Variants in RPGR observed in about 807,000 individuals in gnomAD.
The protein encoded by RPGR is retinitis pigmentosa GTPase regulator, also known as X-linked retinitis pigmentosa GTPase regulator.
In RPGR, 10 loss-of-function variants were observed where a neutral mutation model predicts 56.3. That is an observed-to-expected ratio of 0.18 (90% confidence interval 0.11 to 0.30). The LOEUF (loss-of-function observed/expected upper bound fraction) is 0.30, where lower values mean the gene tolerates loss of function less well. RPGR is among the 10% of genes least tolerant of loss of function. RPGR has a pLI of 1.00. For synonymous variants in RPGR, 197 were observed against 212.9 expected (o/e 0.93, Z 0.65); for missense variants, 538 against 590.9 (o/e 0.91, Z 0.93).
chrX:38,315,290 C>A (rs978096267), intron 6 of RPGR, among the ~76,000 whole-genome samples: 4 of 111,573 alleles, frequency 3.6e-5, no homozygotes, highest in African/African-American at 1.3e-4. Flanking sequence ...CGGGACTATA[C>A]TACTGTACTC....
intron 14 of RPGR, 162 bp from the exon 15 acceptor site, chrX:38,287,407 G>A: frequency 1.2e-6 from 1 of 821,189 alleles, no homozygotes; most frequent in Non-Finnish European, 1.8e-6. Flanking sequence ...AAATTCTATT[G>A]CCTCAGGCTG....
rs760295822 is a variant in RPGR, at chrX:38,270,134, G to GA, written c.2242-303dup. Among the ~76,000 whole-genome samples, 104 of 111,163 alleles carry GA rather than the reference G, an allele frequency of 9.4e-4. 1 individual carries two copies. Among genetic ancestry groups the GA allele is most frequent in the Non-Finnish European group, 9.8e-4 (52 of 52,999 alleles). ...TGTTTCACTTTGTTAAGTTGTAAGA[G>GA]AAAAAATATATAAAAACCTATTTAA... On this transcript the variant is annotated intron_variant, in intron 18 of 18. Transcript: ENST00000642395.
chrX:38,324,450 A>T (rs2068005813), intron 1 of RPGR, among the ~76,000 whole-genome samples: 1 of 110,866 alleles, frequency 9.0e-6, no homozygotes, highest in Non-Finnish European at 1.9e-5. Flanking sequence ...GAATACCCAT[A>T]AAACCGGAGA....
intron 6 of RPGR, among the ~76,000 whole-genome samples, chrX:38,312,432 A>G (rs1399866414): frequency 1.8e-5 from 2 of 111,260 alleles, no homozygotes; most frequent in African/African-American, 3.3e-5. Flanking sequence ...TACCCACACA[A>G]TATCAGATGC....
chrX:38,273,651 G>A (rs913838142), intron 17 of RPGR: 11 of 375,968 alleles, frequency 2.9e-5, no homozygotes, highest in Non-Finnish European at 5.1e-5. Flanking sequence ...GAGTTAAAGT[G>A]AAAAGCCCAG....
rs1212604262 is a variant in RPGR at position 38,273,380 on chromosome X, A to C, written c.2241+6T>G. The C allele has an allele frequency of 1.7e-6, 2 of 1,177,836 alleles. No homozygotes were observed. Among genetic ancestry groups the C allele is most frequent in the Non-Finnish European group, 2.3e-6 (2 of 868,846 alleles). On this transcript the variant is annotated splice_donor_region_variant and intron_variant, in intron 18 of 18. Coordinates refer to ENST00000642395, the MANE Select transcript of RPGR (RefSeq NM_000328.3). ...AGGATCAAAAAAGACAATTCATTTC[A>C]CTTACCTTCTTTGTTTTTTTCATGT...
chrX:38,300,620 C>T lies in RPGR; in HGVS notation c.1059+627G>A, dbSNP rs149559707. Among the ~76,000 whole-genome samples, 827 of 111,522 alleles carry T rather than the reference C, an allele frequency of 7.4e-3. 3 individuals carry two copies. Among genetic ancestry groups the T allele is most frequent in the African/African-American group, 0.024 (734 of 30,654 alleles). On this transcript the variant is annotated intron_variant, in intron 9 of 18. Transcript: ENST00000642395. Reference sequence around the variant, plus strand: ...CACGACCTCAGCTCACTGCAACCTCCACCTTCTGGGTTCAAGCAATTCTCG... The same window carrying T: ...CACGACCTCAGCTCACTGCAACCTCTACCTTCTGGGTTCAAGCAATTCTCG...
At chrX:38,290,669 C>T (rs1392002297) in intron 13 of RPGR, among the ~76,000 whole-genome samples, 1 of 111,672 alleles carries the variant, frequency 9.0e-6, no homozygotes, top group African/African-American at 3.2e-5. Context: ...ATAAGAACTG[C>T]AATCATAACC....
intron 15 of RPGR, among the ~76,000 whole-genome samples, chrX:38,277,391 T>C (rs2066954942): frequency 9.0e-6 from 1 of 111,685 alleles, no homozygotes; most frequent in African/African-American, 3.2e-5. Flanking sequence ...ATGGATTTGA[T>C]AGACTGATAG....
At chrX:38,323,373 T>C (rs762602914) in intron 2 of RPGR, 26 bp downstream of exon 2, 2 of 1,179,002 alleles carry the variant, frequency 1.7e-6, no homozygotes, top group East Asian at 3.0e-5. Context: ...AGTATTACTG[T>C]CCTTATTCAG....
chrX:38,275,060 T>C, intron 17 of RPGR: 1 of 1,121,174 alleles, frequency 8.9e-7, no homozygotes. Flanking sequence ...TATGTATGTA[T>C]ATATGTATGT....
chrX:38,280,521 C>T (rs1031321247), intron 15 of RPGR, among the ~76,000 whole-genome samples: 19 of 110,321 alleles, frequency 1.7e-4, no homozygotes, highest in Non-Finnish European at 2.6e-4. Context: ...CCCAGGCTTT[C>T]CAAAAGTCCA....
chrX:38,322,815 C>T, intron 3 of RPGR, 38 bp downstream of exon 3: 2 of 1,052,907 alleles, frequency 1.9e-6, no homozygotes, highest in Non-Finnish European at 2.7e-6. Context: ...CATAAAAATA[C>T]TTTATACAGT....
At chrX:38,275,236 C>T in intron 16 of RPGR, 1 of 685,835 alleles carries the variant, frequency 1.5e-6, no homozygotes, top group Non-Finnish European at 2.3e-6. Context: ...GTTCTAGAGT[C>T]TGCCTCTAGC....
intron 8 of RPGR, chrX:38,302,521 C>G (rs2067520478): frequency 9.0e-6 from 1 of 110,843 alleles, no homozygotes; most frequent in African/African-American, 3.3e-5. Context: ...ACAGAGTGTC[C>G]TATTAGTTCA....
chrX:38,324,635 T>C (rs761721626), intron 1 of RPGR, among the ~76,000 whole-genome samples: 1 of 108,618 alleles, frequency 9.2e-6, no homozygotes, highest in African/African-American at 3.4e-5. Context: ...ATCCTCAAAG[T>C]GTTAGCTCAA....
chrX:38,282,082 A>C (rs1042961402), intron 15 of RPGR, among the ~76,000 whole-genome samples: 3 of 111,791 alleles, frequency 2.7e-5, no homozygotes, highest in Non-Finnish European at 5.6e-5. Context: ...TCCTAAATTG[A>C]GAAATATGCT....
At chrX:38,312,483 A>T (rs1183598356) in intron 6 of RPGR, among the ~76,000 whole-genome samples, 1 of 104,421 alleles carries the variant, frequency 9.6e-6, no homozygotes, top group Non-Finnish European at 2.0e-5. Flanking sequence ...ACTTCCAAAT[A>T]AAAAAAAAAT....
At chrX:38,285,926 C>T in intron 15 of RPGR, 3 of 1,138,905 alleles carry the variant, frequency 2.6e-6, no homozygotes, top group Non-Finnish European at 3.5e-6. Context: ...TCCCCTTCCA[C>T]CTCCCCTTCC....
Sources: allele counts gnomAD v4.1 joint callset (sites outside exome capture counted in the v4.1 genomes callset), GRCh38; gene constraint gnomAD v4.1.1; transcripts MANE v1.5; gene names NCBI Gene and HGNC (gene_info 2026-07-23, HGNC 2026-07-21).